The following MFAP3 variants were observed in gnomAD, a reference collection of about 807,000 sequenced individuals.
The protein encoded by MFAP3 is microfibril-associated glycoprotein 3.
Under a neutral mutation model 20.5 loss-of-function variants are expected in MFAP3, and 8 were observed. The observed-to-expected ratio is 0.39, with a 90% CI of 0.23 to 0.70. MFAP3 has a LOEUF of 0.70. Among genes scored for constraint, MFAP3 ranks in the 30% least tolerant of loss-of-function variants. MFAP3 has a pLI of 0.44. For synonymous variants in MFAP3, 140 were observed against 154.0 expected (o/e 0.91, Z 0.67); for missense variants, 398 against 444.6 (o/e 0.90, Z 0.94).
Position 154,053,974 on chromosome 5 carries a change from G to T in MFAP3, c.*261G>T, listed in dbSNP as rs1350479861. The T allele has an allele frequency of 5.1e-6, 2 of 389,346 alleles. No homozygotes were observed. Among genetic ancestry groups the T allele is most frequent in the Non-Finnish European group, 9.7e-6 (2 of 206,680 alleles). The allele number at this position is 389,346 out of a possible 1,614,324, so 24.1% of individuals were successfully genotyped here. A position where few individuals can be genotyped will look rare whatever the true frequency, so the allele number is the denominator to read the frequency against. ...AGGAGCCCCAGATAAACATGATGGGGAAAAGCACTGAACTAAGAGTCCCAT... is the reference window on the plus strand; with the variant it reads ...AGGAGCCCCAGATAAACATGATGGGTAAAAGCACTGAACTAAGAGTCCCAT... On this transcript the variant is annotated 3_prime_UTR_variant, in exon 3 of 3. Coordinates refer to ENST00000522782, the MANE Select transcript of MFAP3 (RefSeq NM_005927.5).
chr5:154,049,711 T>A lies in MFAP3; in HGVS notation c.-12T>A. On this transcript the variant is annotated 5_prime_UTR_variant, in exon 2 of 3. Transcript: ENST00000522782. ...TTCTCCAAATCTAAACAAGATTTTGTCCCATTTTCCCATGAAGCTACATTG... is the reference window on the plus strand; with the variant it reads ...TTCTCCAAATCTAAACAAGATTTTGACCCATTTTCCCATGAAGCTACATTG... 1 of 1,604,406 alleles carries A rather than the reference T, an allele frequency of 6.2e-7. No homozygotes were observed. The highest frequency in any genetic ancestry group is 8.5e-7 in the Non-Finnish European group (1 of 1,174,036).
chr5:154,041,567 G>C (rs1173257465), intron 1 of MFAP3, among the ~76,000 whole-genome samples: 1 of 152,034 alleles, frequency 6.6e-6, no homozygotes, highest in African/African-American at 2.4e-5. Context: ...ATGACTTTCT[G>C]TTCTGCTGCC....
In MFAP3 at chr5:154,053,269, G is replaced by A. The variant is rs757835241; in HGVS notation, c.645G>A (p.Leu215=). ...RIPIITSAKT[L]ELAKVTQFKT... ...CCATCATTACCTCAGCCAAAACTCTGGAGCTCGCCAAAGTCACACAATTTA... is the reference window on the plus strand; with the variant it reads ...CCATCATTACCTCAGCCAAAACTCTAGAGCTCGCCAAAGTCACACAATTTA... The change falls in exon 3 of 3, where the codon CTG becomes CTA. Residue 215 remains leucine (L), a synonymous_variant. Transcript: ENST00000522782. 15 of 1,613,880 alleles carry A rather than the reference G, an allele frequency of 9.3e-6. No homozygotes were observed. The Admixed American group carries it at 2.3e-4, about 25-fold the overall frequency.
chr5:154,043,399 A>G (rs929944103), intron 1 of MFAP3, among the ~76,000 whole-genome samples: 3 of 152,048 alleles, frequency 2.0e-5, no homozygotes, highest in Non-Finnish European at 4.4e-5. Flanking sequence ...AAAATACAAA[A>G]AATTAGCCAG....
rs1033061354 is a variant in MFAP3 at position 154,055,178 on chromosome 5, T to A, written c.*1465T>A. 6.0e-6 allele frequency: 1 copy of A among 167,078 alleles called. No homozygotes were observed. Among genetic ancestry groups the A allele is most frequent in the African/African-American group, 2.4e-5 (1 of 41,450 alleles). The allele number at this position is 167,078 out of a possible 1,614,324, so 10.3% of individuals were successfully genotyped here. On this transcript the variant is annotated 3_prime_UTR_variant, in exon 3 of 3. Coordinates refer to ENST00000522782, the MANE Select transcript of MFAP3 (RefSeq NM_005927.5). Reference sequence around the variant, plus strand: ...GGGGCTTCACGTTTCTTCATATGACTTCTGATTATTGAAGCATTACTTCAG... The same window carrying A: ...GGGGCTTCACGTTTCTTCATATGACATCTGATTATTGAAGCATTACTTCAG...
chr5:154,042,566 A>G (rs923013663), intron 1 of MFAP3, among the ~76,000 whole-genome samples: 13 of 152,198 alleles, frequency 8.5e-5, no homozygotes, highest in Admixed American at 6.5e-4. Flanking sequence ...ACAGATCCCT[A>G]TAATAATGCT....
rs757229745 is a variant in MFAP3, at chr5:154,053,761, A to G, written c.*48A>G. 64 of 1,498,956 alleles carry G rather than the reference A, an allele frequency of 4.3e-5. 1 individual carries two copies. Among genetic ancestry groups the G allele is most frequent in the Non-Finnish European group, 5.2e-5 (58 of 1,112,472 alleles). The allele number at this position is 1,498,956 out of a possible 1,614,324, so 92.9% of individuals were successfully genotyped here. On this transcript the variant is annotated 3_prime_UTR_variant, in exon 3 of 3. Coordinates refer to ENST00000522782, the MANE Select transcript of MFAP3 (RefSeq NM_005927.5). ...CCTACAAAATCAGCTCGCTCTCAGAAAAGGAACCTGTTTCTTAGAAGAAGT... is the reference window on the plus strand; with the variant it reads ...CCTACAAAATCAGCTCGCTCTCAGAGAAGGAACCTGTTTCTTAGAAGAAGT...
chr5:154,054,536 C>T lies in MFAP3; in HGVS notation c.*823C>T, dbSNP rs191373238. The stretch of plus-strand genomic sequence containing the variant: ...TGAGCAGTTTATTTCTAAGGTATAA[C>T]GTCTTTGATGCTTTTAGAATAAGAA... On this transcript the variant is annotated 3_prime_UTR_variant, in exon 3 of 3. Transcript: ENST00000522782. The T allele has an allele frequency of 1.2e-5, 2 of 166,902 alleles. No homozygotes were observed. Among genetic ancestry groups the T allele is most frequent in the Admixed American group, 6.5e-5 (1 of 15,290 alleles). 10.3% of individuals were successfully genotyped at this position (166,902 alleles called of 1,614,324 possible).
intron 1 of MFAP3, among the ~76,000 whole-genome samples, chr5:154,044,249 A>G (rs776230135): frequency 1.3e-5 from 2 of 152,230 alleles, no homozygotes; most frequent in Non-Finnish European, 2.9e-5. Flanking sequence ...GTCATAGTCA[A>G]TGCAGTTTGT....
chr5:154,040,707 A>G (rs781273966), intron 1 of MFAP3, among the ~76,000 whole-genome samples: 5 of 152,228 alleles, frequency 3.3e-5, no homozygotes, highest in African/African-American at 9.6e-5. Flanking sequence ...TCCCAATTCA[A>G]TAAGTCTGTG....
rs1773244540 is a variant in MFAP3, at chr5:154,053,293, T to A, written c.669T>A (p.Phe223Leu). Residue 223 changes from phenylalanine (F) to leucine (L), a missense_variant, in exon 3 of 3, where the codon TTT becomes TTA. Phe to Leu is a conservative substitution (Grantham distance 22, BLOSUM62 0). Coordinates refer to ENST00000522782, the MANE Select transcript of MFAP3 (RefSeq NM_005927.5). Reference sequence around the variant, plus strand: ...TGGAGCTCGCCAAAGTCACACAATTTAAGACCATGGAGTTTGCTCGTTATA... The same window carrying A: ...TGGAGCTCGCCAAAGTCACACAATTAAAGACCATGGAGTTTGCTCGTTATA... ...KTLELAKVTQ[F>L]KTMEFARYIE... 1 of 1,613,916 alleles carries A rather than the reference T, an allele frequency of 6.2e-7. No homozygotes were observed. Among genetic ancestry groups the A allele is most frequent in the African/African-American group, 1.3e-5 (1 of 74,898 alleles).
At position 154,056,749 on chromosome 5, in the gene MFAP3, C is replaced by T. The variant is rs1256780832; in HGVS notation, c.*3036C>T. ...GACAGGTATTAATTGAGCTGATGCC[C>T]CACTTGAGTTTATAGACTGTTTGAT... On this transcript the variant is annotated 3_prime_UTR_variant, in exon 3 of 3. Transcript: ENST00000522782. Among the ~76,000 whole-genome samples, 4 of 152,170 alleles carry T rather than the reference C, an allele frequency of 2.6e-5. No homozygotes were observed. Among genetic ancestry groups the T allele is most frequent in the African/African-American group, 9.7e-5 (4 of 41,446 alleles).
chr5:154,056,005 C>T lies in MFAP3; in HGVS notation c.*2292C>T, dbSNP rs1773322519. On this transcript the variant is annotated 3_prime_UTR_variant, in exon 3 of 3. Coordinates refer to ENST00000522782, the MANE Select transcript of MFAP3 (RefSeq NM_005927.5). Reference sequence around the variant, plus strand: ...ACCCTGTCCTAACATAGCAGGTTTGCAGTAATCTTTTAGAATATAGCTTGT... The same window carrying T: ...ACCCTGTCCTAACATAGCAGGTTTGTAGTAATCTTTTAGAATATAGCTTGT... 6.6e-6 allele frequency among the ~76,000 whole-genome samples: 1 copy of T among 152,124 alleles called. No homozygotes were observed. The highest frequency in any genetic ancestry group is 2.4e-5 in the African/African-American group (1 of 41,420).
rs1480559065 is a variant in MFAP3 at position 154,055,363 on chromosome 5, T to C, written c.*1650T>C. 2.0e-5 allele frequency among the ~76,000 whole-genome samples: 3 copies of C among 152,202 alleles called. No homozygotes were observed. Among genetic ancestry groups the C allele is most frequent in the Admixed American group, 6.5e-5 (1 of 15,282 alleles). The stretch of plus-strand genomic sequence containing the variant: ...AGTAATACATCTGCTCTGAATAGCA[T>C]GAATGAATCAATGTGCAGTTTTATC... On this transcript the variant is annotated 3_prime_UTR_variant, in exon 3 of 3. Transcript: ENST00000522782.
intron 1 of MFAP3, among the ~76,000 whole-genome samples, chr5:154,041,100 C>T (rs1057092751): frequency 6.6e-5 from 10 of 150,716 alleles, no homozygotes; most frequent in Non-Finnish European, 1.5e-4. Context: ...CTTATAATGG[C>T]GTACTCTTAA....
chr5:154,049,715 A>G lies in MFAP3; in HGVS notation c.-8A>G, dbSNP rs761486600. ...CCAAATCTAAACAAGATTTTGTCCCATTTTCCCATGAAGCTACATTGTTGC... is the reference window on the plus strand; with the variant it reads ...CCAAATCTAAACAAGATTTTGTCCCGTTTTCCCATGAAGCTACATTGTTGC... On this transcript the variant is annotated 5_prime_UTR_variant, in exon 2 of 3. Coordinates refer to ENST00000522782, the MANE Select transcript of MFAP3 (RefSeq NM_005927.5). The G allele has an allele frequency of 6.2e-6, 10 of 1,605,692 alleles. No homozygotes were observed. Among genetic ancestry groups the G allele is most frequent in the South Asian group, 3.3e-5 (3 of 90,254 alleles).
At chr5:154,040,130 T>C (rs761216680) in intron 1 of MFAP3, among the ~76,000 whole-genome samples, 2 of 152,216 alleles carry the variant, frequency 1.3e-5, no homozygotes, top group Non-Finnish European at 2.9e-5. Flanking sequence ...CTGATAATTA[T>C]AGCAGCAGTT....
rs1455639116 is a variant in MFAP3 at position 154,054,611 on chromosome 5, G to A, written c.*898G>A. ...GAAAATCATGGATTTTCATATTTCT[G>A]TTAACAGAATTTCTCAGGCTTTCCC... is the stretch of plus-strand genomic sequence containing the variant. On this transcript the variant is annotated 3_prime_UTR_variant, in exon 3 of 3. Coordinates refer to ENST00000522782, the MANE Select transcript of MFAP3 (RefSeq NM_005927.5). The A allele has an allele frequency of 6.0e-6, 1 of 166,948 alleles. No individual in the cohort carries two copies. Among genetic ancestry groups the A allele is most frequent in the African/African-American group, 2.4e-5 (1 of 41,414 alleles). The allele number at this position is 166,948 out of a possible 1,614,324, so 10.3% of individuals were successfully genotyped here. A position where few individuals can be genotyped will look rare whatever the true frequency, so the allele number is the denominator to read the frequency against.
intron 1 of MFAP3, among the ~76,000 whole-genome samples, chr5:154,042,440 T>C (rs772596118): frequency 2.0e-5 from 3 of 152,214 alleles, no homozygotes; most frequent in Admixed American, 6.5e-5. Context: ...ATGCTAGTTA[T>C]GGGGTATGTG....
Sources: allele counts gnomAD v4.1 joint callset (sites outside exome capture counted in the v4.1 genomes callset), GRCh38; gene constraint gnomAD v4.1.1; transcripts MANE v1.5; gene names NCBI Gene and HGNC (gene_info 2026-07-23, HGNC 2026-07-21).